The following AKAP19 variants were observed in gnomAD, a reference collection of about 807,000 sequenced individuals.
AKAP19 encodes the protein small A-kinase anchoring protein.
chr2:189,970,750 C>T, the AKAP19 span, among the ~76,000 whole-genome samples: 4 of 152,140 alleles, frequency 2.6e-5, no homozygotes, highest in African/African-American at 9.7e-5. Flanking sequence ...ACAGGCTGTA[C>T]GTATTTTCAT....
At chr2:190,015,008 C>A in the AKAP19 span, among the ~76,000 whole-genome samples, 1 of 152,198 alleles carries the variant, frequency 6.6e-6, no homozygotes, top group African/African-American at 2.4e-5. Flanking sequence ...GCCCACCTCC[C>A]AGCTGCTTTC....
At chr2:189,887,357 T>A in the AKAP19 span, among the ~76,000 whole-genome samples, 1 of 152,236 alleles carries the variant, frequency 6.6e-6, no homozygotes, top group Non-Finnish European at 1.5e-5. Flanking sequence ...TGTGCCACAT[T>A]TTCTTATTCC....
the AKAP19 span, among the ~76,000 whole-genome samples, chr2:190,008,824 T>C: frequency 6.6e-6 from 1 of 151,860 alleles, no homozygotes; most frequent in Non-Finnish European, 1.5e-5. Context: ...CAAAGTGTGA[T>C]ATGTGCTTTG....
At chr2:190,115,369 G>C in the AKAP19 span, among the ~76,000 whole-genome samples, 2 of 104,486 alleles carry the variant, frequency 1.9e-5, no homozygotes, top group South Asian at 3.7e-4. Flanking sequence ...GCCCAGGCTG[G>C]AGTGCAGTGG....
chr2:189,892,397 G>A, the AKAP19 span, among the ~76,000 whole-genome samples: 1 of 152,090 alleles, frequency 6.6e-6, no homozygotes, highest in Non-Finnish European at 1.5e-5. Context: ...TTTGATGTTG[G>A]TGACTTTCGG....
the AKAP19 span, chr2:189,923,558 A>G: frequency 6.2e-7 from 1 of 1,614,018 alleles, no homozygotes; most frequent in Non-Finnish European, 8.5e-7. Context: ...TGGCAGAATG[A>G]TTGCTGGCCA....
At chr2:190,171,394 T>C in the AKAP19 span, among the ~76,000 whole-genome samples, 9 of 152,334 alleles carry the variant, frequency 5.9e-5, no homozygotes, top group African/African-American at 1.7e-4. Flanking sequence ...TTAGAGGTCC[T>C]CCAAAACTAT....
the AKAP19 span, chr2:190,180,855 C>G: frequency 2.8e-5 from 28 of 985,188 alleles, no homozygotes; most frequent in Non-Finnish European, 3.4e-5. The surrounding 1 kb of genome is among the most constrained non-coding windows in gnomAD (Gnocchi z 6.8). Flanking sequence ...AAGGACGCCC[C>G]GTCCTCCACA....
At chr2:189,981,508 G>C in the AKAP19 span, among the ~76,000 whole-genome samples, 1 of 152,066 alleles carries the variant, frequency 6.6e-6, no homozygotes, top group Admixed American at 6.6e-5. Flanking sequence ...AATGTTCAAG[G>C]TTAATATTTA....
At chr2:190,192,452 CTGTGTGTGTG>C in the AKAP19 span, among the ~76,000 whole-genome samples, 263 of 145,356 alleles carry the variant, frequency 1.8e-3, 1 homozygote, top group East Asian at 4.3e-3. Context: ...AATTCAGAAT[CTGTGTGTGTG>C]TGTGTGTGTG....
the AKAP19 span, among the ~76,000 whole-genome samples, chr2:190,110,309 G>A: frequency 6.6e-6 from 1 of 152,158 alleles, no homozygotes; most frequent in Non-Finnish European, 1.5e-5. Context: ...GTATGAGATG[G>A]TGAATCATCT....
chr2:189,914,410 TTTTA>T, the AKAP19 span, among the ~76,000 whole-genome samples: 1 of 152,058 alleles, frequency 6.6e-6, no homozygotes, highest in Non-Finnish European at 1.5e-5. Flanking sequence ...AATTTAAAAA[TTTTA>T]TTTGTTTATT....
the AKAP19 span, among the ~76,000 whole-genome samples, chr2:190,179,693 G>A: frequency 6.6e-6 from 1 of 152,084 alleles, no homozygotes; most frequent in Non-Finnish European, 1.5e-5. This position sits in a 1 kb window ranked among gnomAD's most constrained non-coding sequence, Gnocchi z 6.0. Flanking sequence ...TTACTATAAT[G>A]TACCTTCAAA....
the AKAP19 span, among the ~76,000 whole-genome samples, chr2:190,113,478 C>T: frequency 1.3e-5 from 2 of 152,074 alleles, no homozygotes; most frequent in African/African-American, 4.8e-5. Context: ...CATCATTTTA[C>T]TCCAGACAGC....
chr2:189,907,521 C>T, the AKAP19 span, among the ~76,000 whole-genome samples: 3 of 151,942 alleles, frequency 2.0e-5, no homozygotes, highest in Admixed American at 6.6e-5. Context: ...ATATAATCTA[C>T]GTTATTTTAT....
At chr2:190,199,645 A>C in the AKAP19 span, 1 of 1,195,664 alleles carries the variant, frequency 8.4e-7, no homozygotes, top group Non-Finnish European at 1.1e-6. Context: ...ACTCAATCAT[A>C]CACTATTTTG....
At chr2:189,891,223 C>CTTT in the AKAP19 span, among the ~76,000 whole-genome samples, 204 of 110,450 alleles carry the variant, frequency 1.8e-3, 4 homozygotes, top group African/African-American at 6.6e-3. Flanking sequence ...TTTTTTTTTC[C>CTTT]TTTTTTTTTT....
chr2:190,002,341 T>A, the AKAP19 span, among the ~76,000 whole-genome samples: 16 of 152,304 alleles, frequency 1.1e-4, no homozygotes, highest in Non-Finnish European at 1.8e-4. Context: ...CTGGAACTTC[T>A]GTTTATCTCT....
At chr2:190,043,783 C>T in the AKAP19 span, among the ~76,000 whole-genome samples, 4 of 152,118 alleles carry the variant, frequency 2.6e-5, no homozygotes, top group Admixed American at 6.5e-5. Context: ...TTTGAGTTAC[C>T]GGAGATCTTA....
Sources: gnomAD v4.1 joint callset for allele counts (sites outside exome capture counted in the v4.1 genomes callset) on GRCh38, gnomAD v4.1.1 for gene constraint, Gnocchi (gnomAD v3.1) non-coding constraint, MANE v1.5 for transcripts, NCBI Gene and HGNC (gene_info 2026-07-23, HGNC 2026-07-21) for gene names.